The following MYO16 variants were observed in gnomAD, a reference collection of about 807,000 sequenced individuals.
MYO16 encodes unconventional myosin-XVI.
Under a neutral mutation model 205.3 loss-of-function variants are expected in MYO16, and 94 were observed. The observed-to-expected ratio is 0.46, with a 90% CI of 0.39 to 0.54. The LOEUF is 0.54. MYO16 is among the 20% of genes least tolerant of loss of function. The pLI, the probability that MYO16 is intolerant of heterozygous loss-of-function variation, is 0.00. For missense variants in MYO16, 2,315 were observed against 2,387.5 expected, an observed-to-expected ratio of 0.97 and a Z score of 0.63; for synonymous variants, 988 against 954.0, an observed-to-expected ratio of 1.04 and a Z score of -0.66.
At chr13:108,597,151 T>A (rs1878593197) in intron 1 of MYO16, among the ~76,000 whole-genome samples, 1 of 152,242 alleles carries the variant, frequency 6.6e-6, no homozygotes, top group South Asian at 2.1e-4. Flanking sequence ...TGTTAGTTCT[T>A]CATATGCGTT....
At chr13:108,664,083 G>A (rs551737706) in intron 1 of MYO16, among the ~76,000 whole-genome samples, 1 of 152,138 alleles carries the variant, frequency 6.6e-6, no homozygotes, top group African/African-American at 2.4e-5. Flanking sequence ...CAGAACCACT[G>A]TTGTCTATTT....
At chr13:108,978,458 G>A (rs1884346876) in intron 20 of MYO16, among the ~76,000 whole-genome samples, 1 of 151,750 alleles carries the variant, frequency 6.6e-6, no homozygotes, top group Non-Finnish European at 1.5e-5. Flanking sequence ...ATTTTCTAAT[G>A]GTTTTCTTTC....
At chr13:109,072,985 G>A (rs1248291519) in intron 27 of MYO16, among the ~76,000 whole-genome samples, 1 of 151,924 alleles carries the variant, frequency 6.6e-6, no homozygotes, top group African/African-American at 2.4e-5. Flanking sequence ...GAGTGCCCTT[G>A]CAGTTCTTAT....
At chr13:108,848,547 T>C (rs1877642484) in intron 10 of MYO16, among the ~76,000 whole-genome samples, 1 of 152,166 alleles carries the variant, frequency 6.6e-6, no homozygotes, top group Non-Finnish European at 1.5e-5. Context: ...CTTACTCCAA[T>C]GATCCCAGCA....
chr13:109,157,268 A>C lies in MYO16; in HGVS notation c.5165-7633A>C, dbSNP rs967148970. ...AAAAAAAAAAAAAAAAAAAAAAAAA[A>C]ACCTTATTCTTCACAGCATGCCCTT... On this transcript the variant is annotated intron_variant, in intron 32 of 34. Transcript: ENST00000457511. Among the ~76,000 whole-genome samples, 476 of 86,820 alleles carry C rather than the reference A, an allele frequency of 5.5e-3. 5 individuals are homozygous for C. The highest frequency in any genetic ancestry group is 0.019 in the African/African-American group (445 of 23,860). 57.0% of individuals were successfully genotyped at this position (86,820 alleles called of 152,430 possible). A position where few individuals can be genotyped will look rare whatever the true frequency, so the allele number is the denominator to read the frequency against.
At chr13:108,876,703 A>G (rs952591312) in intron 12 of MYO16, among the ~76,000 whole-genome samples, 2 of 141,398 alleles carry the variant, frequency 1.4e-5, no homozygotes, top group Admixed American at 1.5e-4. Context: ...ATCTTAGTCT[A>G]TTGCCCAGGC....
At chr13:109,034,351 G>T (rs542077255) in intron 23 of MYO16, among the ~76,000 whole-genome samples, 1 of 152,160 alleles carries the variant, frequency 6.6e-6, no homozygotes, top group Non-Finnish European at 1.5e-5. Flanking sequence ...ATTGAATCAT[G>T]GGGGTGGTTT....
chr13:108,681,048 A>C (rs1882439863), intron 2 of MYO16, among the ~76,000 whole-genome samples: 1 of 152,212 alleles, frequency 6.6e-6, no homozygotes, highest in South Asian at 2.1e-4. Flanking sequence ...TCACTGCTCT[A>C]AAATTTCCTC....
chr13:108,716,088 G>T (rs1419190517), intron 3 of MYO16, among the ~76,000 whole-genome samples: 3 of 152,104 alleles, frequency 2.0e-5, no homozygotes, highest in Non-Finnish European at 1.5e-5. Context: ...TTTTCTCTCT[G>T]CTAGACTGAA....
At chr13:108,773,177 C>T (rs1425907719) in intron 4 of MYO16, among the ~76,000 whole-genome samples, 5 of 152,114 alleles carry the variant, frequency 3.3e-5, no homozygotes, top group African/African-American at 1.2e-4. Flanking sequence ...TGACCATCTT[C>T]CAAAGGCCCC....
intron 27 of MYO16, among the ~76,000 whole-genome samples, chr13:109,056,894 T>G (rs1471961020): frequency 6.6e-6 from 1 of 152,112 alleles, no homozygotes; most frequent in Non-Finnish European, 1.5e-5. Flanking sequence ...GTATTGCAAG[T>G]GTGAAATCTC....
In MYO16 at chr13:109,127,943, G is replaced by A. The variant is rs78737344; in HGVS notation, c.4051+393G>A. ...TTAAGACTGCTTCATCATATGATAAGTGAAATTATTTACCCATAGGAGAGT... is the reference window on the plus strand; with the variant it reads ...TTAAGACTGCTTCATCATATGATAAATGAAATTATTTACCCATAGGAGAGT... On this transcript the variant is annotated intron_variant, in intron 31 of 34. Coordinates refer to ENST00000457511, the MANE Select transcript of MYO16 (RefSeq NM_001198950.3). The surrounding 1 kb of genome is among the most constrained non-coding windows in gnomAD (Gnocchi z 4.2). Among the ~76,000 whole-genome samples the A allele has an allele frequency of 1.3e-5, 2 of 151,710 alleles. No homozygotes were observed. Among genetic ancestry groups the A allele is most frequent in the Non-Finnish European group, 2.9e-5 (2 of 67,984 alleles).
intron 9 of MYO16, among the ~76,000 whole-genome samples, chr13:108,830,453 C>G (rs1342941196): frequency 6.6e-6 from 1 of 151,588 alleles, no homozygotes; most frequent in East Asian, 1.9e-4. Context: ...AGTTCATGTC[C>G]TTTGTAGGGA....
chr13:109,193,088 C>T (rs1029563737), intron 34 of MYO16, among the ~76,000 whole-genome samples: 3 of 152,026 alleles, frequency 2.0e-5, no homozygotes, highest in Admixed American at 1.3e-4. Context: ...TCCACCAAGC[C>T]ACACTTCATA....
At chr13:108,981,126 T>G (rs1365235873) in intron 20 of MYO16, among the ~76,000 whole-genome samples, 2 of 152,258 alleles carry the variant, frequency 1.3e-5, no homozygotes, top group Non-Finnish European at 2.9e-5. Flanking sequence ...GTAATTTCTT[T>G]ATTTCAAATG....
upstream of MYO16, among the ~76,000 whole-genome samples, chr13:108,592,864 T>C (rs1465743729): frequency 1.3e-5 from 2 of 151,966 alleles, no homozygotes; most frequent in African/African-American, 2.4e-5. Context: ...TAAAAAAACA[T>C]TGTATGCAAC....
At chr13:108,697,887 T>A (rs1883150132) in intron 2 of MYO16, among the ~76,000 whole-genome samples, 1 of 152,104 alleles carries the variant, frequency 6.6e-6, no homozygotes, top group African/African-American at 2.4e-5. Context: ...CACACCTGGC[T>A]AATTTTTGTA....
intron 23 of MYO16, among the ~76,000 whole-genome samples, chr13:109,046,270 A>C (rs1304755651): frequency 6.6e-6 from 1 of 152,174 alleles, no homozygotes; most frequent in Admixed American, 6.5e-5. Context: ...TCAGCTTCCC[A>C]TGACCACTGA....
chr13:109,074,611 AGGGGAACAGCAT>A, intron 27 of MYO16, among the ~76,000 whole-genome samples: 1 of 152,294 alleles, frequency 6.6e-6, no homozygotes, highest in Non-Finnish European at 1.5e-5. Flanking sequence ...ACTCAACATC[AGGGGAACAGCAT>A]GGGGAACATC....
Sources: allele counts gnomAD v4.1 joint callset (sites outside exome capture counted in the v4.1 genomes callset), GRCh38; gene constraint gnomAD v4.1.1; non-coding constraint Gnocchi (gnomAD v3.1); transcripts MANE v1.5; gene names NCBI Gene and HGNC (gene_info 2026-07-23, HGNC 2026-07-21).